The following HMG20A variants were observed in gnomAD, a reference collection of about 807,000 sequenced individuals.
HMG20A encodes the protein high mobility group 20A, also known as high mobility group protein 20A.
HMG20A carries 17 observed loss-of-function variants against 43.9 expected under a neutral mutation model. The ratio of observed to expected loss-of-function variants is 0.39; its 90% CI spans 0.27 to 0.58. HMG20A has a LOEUF of 0.58. Among genes scored for constraint, HMG20A ranks in the 20% least tolerant of loss-of-function variants. HMG20A has a pLI of 0.59. For missense variants in HMG20A, 341 were observed against 438.2 expected (o/e 0.78, Z 1.98); for synonymous variants, 132 against 147.5 (o/e 0.89, Z 0.76).
the HMG20A span, among the ~76,000 whole-genome samples, chr15:77,500,063 T>G: frequency 1.3e-5 from 2 of 152,076 alleles, no homozygotes; most frequent in Non-Finnish European, 2.9e-5. Context: ...ACTCCTGACC[T>G]CAAATGATCC....
the HMG20A span, among the ~76,000 whole-genome samples, chr15:77,510,293 T>C: frequency 1.3e-5 from 2 of 152,164 alleles, no homozygotes; most frequent in Non-Finnish European, 2.9e-5. Context: ...TGGCTGCGCA[T>C]GGATGATGAC....
intron 1 of HMG20A, among the ~76,000 whole-genome samples, chr15:77,453,010 T>C (rs1481211937): frequency 6.6e-6 from 1 of 152,212 alleles, no homozygotes; most frequent in African/African-American, 2.4e-5. Context: ...GTGGCACCTC[T>C]TGAGGCCAGG....
At chr15:77,516,473 G>A in the HMG20A span, among the ~76,000 whole-genome samples, 1 of 152,096 alleles carries the variant, frequency 6.6e-6, no homozygotes, top group Non-Finnish European at 1.5e-5. Flanking sequence ...AAGACCCTGT[G>A]TTTGAAAAAG....
At position 77,464,363 on chromosome 15, in the gene HMG20A, C is replaced by T. The variant is rs745682274; in HGVS notation, c.213C>T (p.Gly71=). ...GTGAGTCTTCAAATGCAGCAGAAGG[C>T]AATGAACAGAGGCATGAAGATGAGG... ...LQSESSNAAE[G]NEQRHEDEQR... Residue 71 remains glycine (G), a synonymous_variant, in exon 3 of 10, where the codon GGC becomes GGT. Transcript: ENST00000336216. 2 of 1,613,644 alleles carry T rather than the reference C, an allele frequency of 1.2e-6. No homozygotes were observed. The highest frequency in any genetic ancestry group is 1.7e-6 in the Non-Finnish European group (2 of 1,179,696).
chr15:77,487,414 C>T (rs2072951161), downstream of HMG20A, among the ~76,000 whole-genome samples: 1 of 152,166 alleles, frequency 6.6e-6, no homozygotes, highest in African/African-American at 2.4e-5. Context: ...CATTATCTTG[C>T]CTTTGTCTCT....
At chr15:77,497,670 AGAGAGAGAGAGAGTGTGT>A in the HMG20A span, among the ~76,000 whole-genome samples, 2 of 125,548 alleles carry the variant, frequency 1.6e-5, no homozygotes, top group Non-Finnish European at 3.5e-5. Flanking sequence ...AGAGAGAGAG[AGAGAGAGAGAGAGTGTGT>A]GTGTGTGTGT....
chr15:77,515,556 CT>C, the HMG20A span, among the ~76,000 whole-genome samples: 12 of 152,036 alleles, frequency 7.9e-5, no homozygotes, highest in Non-Finnish European at 1.5e-4. Context: ...TCCCAAAGTG[CT>C]TGGATTACAG....
rs765283546 is a variant in HMG20A at position 77,458,507 on chromosome 15, G to A, written c.89+11G>A. 1.3e-6 allele frequency: 2 copies of A among 1,584,706 alleles called. No homozygotes were observed. The highest frequency in any genetic ancestry group is 1.7e-6 in the Non-Finnish European group (2 of 1,153,874). ...TCTGGCTACCACTGGGTAAGCAGCT[G>A]CTTTAGGACACTGGACTTCTCCATA... is the stretch of plus-strand genomic sequence containing the variant. On this transcript the variant is annotated intron_variant, in intron 2 of 9. Transcript: ENST00000336216.
At chr15:77,511,019 G>C in the HMG20A span, among the ~76,000 whole-genome samples, 672 of 152,352 alleles carry the variant, frequency 4.4e-3, 6 homozygotes, top group African/African-American at 0.015. Flanking sequence ...GAAGGGGTTA[G>C]TGGGAGCAGG....
chr15:77,455,065 G>A (rs1200959128), intron 1 of HMG20A, among the ~76,000 whole-genome samples: 2 of 151,684 alleles, frequency 1.3e-5, no homozygotes, highest in Non-Finnish European at 2.9e-5. Context: ...GTTAGCATGT[G>A]TAAAGTAAGA....
chr15:77,503,952 A>G, the HMG20A span, among the ~76,000 whole-genome samples: 1 of 152,174 alleles, frequency 6.6e-6, no homozygotes, highest in African/African-American at 2.4e-5. Flanking sequence ...CACAGCGGGG[A>G]CTTAAATTTA....
At chr15:77,443,372 TGATG>T (rs1411804705) in intron 1 of HMG20A, among the ~76,000 whole-genome samples, 8 of 133,278 alleles carry the variant, frequency 6.0e-5, no homozygotes, top group African/African-American at 1.1e-4. Flanking sequence ...ATGATGATGA[TGATG>T]ATGATTATTA....
chr15:77,461,621 A>G (rs531313159), intron 2 of HMG20A, among the ~76,000 whole-genome samples: 1 of 152,280 alleles, frequency 6.6e-6, no homozygotes, highest in Admixed American at 6.5e-5. Flanking sequence ...ACTTGTCATC[A>G]AGAAGGCATG....
At chr15:77,449,068 T>C (rs1028277753) in intron 1 of HMG20A, among the ~76,000 whole-genome samples, 2 of 151,718 alleles carry the variant, frequency 1.3e-5, no homozygotes, top group African/African-American at 2.4e-5. Flanking sequence ...AAATAAATAA[T>C]AAAATAAAGA....
the HMG20A span, among the ~76,000 whole-genome samples, chr15:77,500,632 G>A: frequency 6.1e-5 from 9 of 148,712 alleles, no homozygotes; most frequent in Admixed American, 5.4e-4. Flanking sequence ...GCAATGACAC[G>A]ATCTTGGCTC....
chr15:77,511,738 TACTATCA>T, the HMG20A span, among the ~76,000 whole-genome samples: 4 of 152,182 alleles, frequency 2.6e-5, no homozygotes, highest in Non-Finnish European at 5.9e-5. Flanking sequence ...TTAGGATGGC[TACTATCA>T]AAGAAAGAAA....
chr15:77,488,029 T>A (rs539473741), downstream of HMG20A, among the ~76,000 whole-genome samples: 10 of 152,310 alleles, frequency 6.6e-5, no homozygotes, highest in South Asian at 2.1e-3. Context: ...TAAATTCTCT[T>A]AGCTTAGTGA....
intron 9 of HMG20A, among the ~76,000 whole-genome samples, chr15:77,481,157 C>A (rs969364739): frequency 2.6e-5 from 4 of 151,984 alleles, no homozygotes; most frequent in African/African-American, 9.7e-5. Flanking sequence ...TTGGTGATGC[C>A]CTTGGATGGT....
At chr15:77,450,244 CT>C (rs1433805493) in intron 1 of HMG20A, among the ~76,000 whole-genome samples, 1 of 152,132 alleles carries the variant, frequency 6.6e-6, no homozygotes, top group Non-Finnish European at 1.5e-5. Context: ...ATTCTCCTGC[CT>C]CAGCCTCCCC....
Sources: allele counts gnomAD v4.1 joint callset (sites outside exome capture counted in the v4.1 genomes callset), GRCh38; gene constraint gnomAD v4.1.1; transcripts MANE v1.5; gene names NCBI Gene and HGNC (gene_info 2026-07-23, HGNC 2026-07-21).